Variants in GSK3B observed in about 807,000 individuals in gnomAD.
The protein encoded by GSK3B is glycogen synthase kinase-3 beta.
A neutral mutation model predicts 56.4 loss-of-function variants in GSK3B; 15 were observed. The ratio of observed to expected loss-of-function variants is 0.27; its 90% CI spans 0.18 to 0.41. GSK3B has a LOEUF of 0.41. Ranked by LOEUF, GSK3B falls within the 10% of genes least tolerant of loss-of-function variation. GSK3B has a pLI of 1.00. For synonymous variants in GSK3B, 181 were observed against 188.9 expected (o/e 0.96, Z 0.34); for missense variants, 300 against 513.4 (o/e 0.58, Z 4.02).
intron 8 of GSK3B, among the ~76,000 whole-genome samples, chr3:119,872,618 A>G (rs997915025): frequency 3.9e-5 from 6 of 152,116 alleles, no homozygotes; most frequent in Admixed American, 2.0e-4. Context: ...TAATAATTCT[A>G]TGATATGATG....
chr3:119,850,929 A>T (rs1292412848), intron 9 of GSK3B, among the ~76,000 whole-genome samples: 1 of 152,206 alleles, frequency 6.6e-6, no homozygotes, highest in East Asian at 1.9e-4. Flanking sequence ...AATGAAAAAT[A>T]GGAAGGATAA....
At chr3:119,880,133 T>C (rs1251403306) in intron 7 of GSK3B, among the ~76,000 whole-genome samples, 3 of 152,194 alleles carry the variant, frequency 2.0e-5, no homozygotes, top group South Asian at 2.1e-4. Flanking sequence ...CAGCATTTGA[T>C]ACTGCCTGTC....
chr3:119,964,806 CT>C (rs1262265602), intron 2 of GSK3B, among the ~76,000 whole-genome samples: 1 of 152,068 alleles, frequency 6.6e-6, no homozygotes, highest in East Asian at 1.9e-4. Context: ...CATAATGAAA[CT>C]TTTGGAGGCA....
intron 2 of GSK3B, among the ~76,000 whole-genome samples, chr3:119,957,926 T>A (rs2057230328): frequency 6.6e-6 from 1 of 152,072 alleles, no homozygotes; most frequent in African/African-American, 2.4e-5. Context: ...ATAAGACAAG[T>A]ATACAAGTAG....
intron 6 of GSK3B, among the ~76,000 whole-genome samples, chr3:119,910,436 A>C (rs751095554): frequency 4.6e-5 from 7 of 152,194 alleles, no homozygotes; most frequent in Non-Finnish European, 8.8e-5. Context: ...AATTGTATAA[A>C]AACATAAATG....
At chr3:119,935,003 T>C (rs1286992407) in intron 3 of GSK3B, among the ~76,000 whole-genome samples, 1 of 152,142 alleles carries the variant, frequency 6.6e-6, no homozygotes, top group Non-Finnish European at 1.5e-5. Flanking sequence ...ACAACTGATA[T>C]TCAAAAGAAA....
intron 2 of GSK3B, among the ~76,000 whole-genome samples, chr3:119,996,274 C>T (rs1326075684): frequency 2.0e-5 from 3 of 152,152 alleles, no homozygotes; most frequent in African/African-American, 7.2e-5. Flanking sequence ...ACATCTTCTC[C>T]ATCAAAACAT....
intron 1 of GSK3B, among the ~76,000 whole-genome samples, chr3:120,080,064 G>T (rs1033665038): frequency 2.0e-5 from 3 of 152,176 alleles, no homozygotes; most frequent in Non-Finnish European, 2.9e-5. Flanking sequence ...AGAGACCAAG[G>T]TGGCTGGACT....
intron 1 of GSK3B, among the ~76,000 whole-genome samples, chr3:120,051,666 C>T (rs1198440628): frequency 6.6e-6 from 1 of 151,478 alleles, no homozygotes; most frequent in Non-Finnish European, 1.5e-5. Context: ...ACTCAGGAGG[C>T]TGAGGCACGA....
At chr3:119,841,102 A>G (rs924336748) in intron 10 of GSK3B, among the ~76,000 whole-genome samples, 3 of 152,228 alleles carry the variant, frequency 2.0e-5, no homozygotes, top group Non-Finnish European at 4.4e-5. Flanking sequence ...TCTATTAACT[A>G]TACCCCAATT....
chr3:119,960,924 T>G (rs1047683073), intron 2 of GSK3B, among the ~76,000 whole-genome samples: 1 of 152,180 alleles, frequency 6.6e-6, no homozygotes, highest in African/African-American at 2.4e-5. Context: ...CCATATCAAC[T>G]CAATAATCTA....
intron 2 of GSK3B, among the ~76,000 whole-genome samples, chr3:119,952,977 T>C (rs570513049): frequency 6.6e-6 from 1 of 152,140 alleles, no homozygotes; most frequent in Non-Finnish European, 1.5e-5. Context: ...TTTTATTTCC[T>C]CTTAATTTCA....
At chr3:119,979,587 T>C (rs1338525794) in intron 2 of GSK3B, among the ~76,000 whole-genome samples, 1 of 152,252 alleles carries the variant, frequency 6.6e-6, no homozygotes, top group East Asian at 1.9e-4. Context: ...TTTCTCCATG[T>C]CTGACTTGTC....
intron 1 of GSK3B, among the ~76,000 whole-genome samples, chr3:120,039,937 C>T (rs569990105): frequency 9.2e-5 from 14 of 152,302 alleles, no homozygotes; most frequent in African/African-American, 2.9e-4. Context: ...GGTCCTCTCC[C>T]GTGAAGAGGT....
chr3:120,084,107 G>A (rs1418209517), intron 1 of GSK3B, among the ~76,000 whole-genome samples: 4 of 151,944 alleles, frequency 2.6e-5, no homozygotes, highest in South Asian at 2.1e-4. Context: ...TGAATGTTAC[G>A]GTATGTGAAT....
chr3:120,040,508 C>T (rs553440218), intron 1 of GSK3B, among the ~76,000 whole-genome samples: 4 of 152,028 alleles, frequency 2.6e-5, no homozygotes, highest in Admixed American at 1.3e-4. Context: ...GAAGAATAGG[C>T]AAGAAATCAC....
At chr3:119,962,605 T>G (rs927566938) in intron 2 of GSK3B, among the ~76,000 whole-genome samples, 5 of 152,100 alleles carry the variant, frequency 3.3e-5, no homozygotes, top group African/African-American at 1.2e-4. Flanking sequence ...ATTATTTGTT[T>G]GCATATGAAA....
At chr3:119,926,244 A>G (rs1186562086) in intron 3 of GSK3B, among the ~76,000 whole-genome samples, 1 of 152,038 alleles carries the variant, frequency 6.6e-6, no homozygotes, top group Non-Finnish European at 1.5e-5. Context: ...ACACTAGTAT[A>G]TCCAACTGTG....
chr3:120,021,493 G>A (rs930686093), intron 1 of GSK3B, among the ~76,000 whole-genome samples: 3 of 151,738 alleles, frequency 2.0e-5, no homozygotes, highest in African/African-American at 7.3e-5. Flanking sequence ...TCCAGCCTGG[G>A]CAACAGAGTG....
Sources: gnomAD v4.1 joint callset for allele counts (sites outside exome capture counted in the v4.1 genomes callset) on GRCh38, gnomAD v4.1.1 for gene constraint, MANE v1.5 for transcripts, NCBI Gene and HGNC (gene_info 2026-07-23, HGNC 2026-07-21) for gene names.